The following DOCK4 variants were observed in gnomAD, a reference collection of about 807,000 sequenced individuals.
DOCK4 encodes dedicator of cytokinesis protein 4.
DOCK4 carries 97 observed loss-of-function variants against 268.1 expected under a neutral mutation model. That is an observed-to-expected ratio of 0.36 (90% confidence interval 0.31 to 0.43). The LOEUF (loss-of-function observed/expected upper bound fraction) is 0.43, where lower values mean the gene tolerates loss of function less well. Among genes scored for constraint, DOCK4 ranks in the 20% least tolerant of loss-of-function variants. DOCK4 has a pLI of 1.00. For missense variants in DOCK4, 2,145 were observed against 2,455.7 expected, an observed-to-expected ratio of 0.87 and a Z score of 2.67; for synonymous variants, 954 against 887.2, an observed-to-expected ratio of 1.08 and a Z score of -1.34.
intron 4 of DOCK4, among the ~76,000 whole-genome samples, chr7:111,994,730 C>T (rs2135254210): frequency 6.6e-6 from 1 of 152,272 alleles, no homozygotes; most frequent in African/African-American, 2.4e-5. Context: ...TAATTGAACA[C>T]TCTCTTGATC....
chr7:111,843,970 C>T (rs549382327), intron 25 of DOCK4, among the ~76,000 whole-genome samples: 27 of 152,216 alleles, frequency 1.8e-4, no homozygotes, highest in African/African-American at 6.3e-4. Context: ...AGCTTCAAAG[C>T]ACTTTAAAAT....
chr7:111,830,158 T>A (rs2134005835), intron 26 of DOCK4, among the ~76,000 whole-genome samples: 1 of 152,306 alleles, frequency 6.6e-6, no homozygotes, highest in Admixed American at 6.5e-5. Context: ...TATGAACTTT[T>A]AAAATGCAGA....
chr7:112,088,795 G>A (rs1809352678), intron 1 of DOCK4, among the ~76,000 whole-genome samples: 1 of 152,088 alleles, frequency 6.6e-6, no homozygotes, highest in African/African-American at 2.4e-5. Flanking sequence ...GTGCCCTTAG[G>A]AAGGTTCCTT....
intron 44 of DOCK4, among the ~76,000 whole-genome samples, chr7:111,745,007 A>C (rs1305866150): frequency 6.6e-6 from 1 of 152,180 alleles, no homozygotes; most frequent in East Asian, 1.9e-4. Flanking sequence ...TTCATCACAC[A>C]TATTCCACTT....
At chr7:111,800,306 T>C (rs148797044) in intron 30 of DOCK4, among the ~76,000 whole-genome samples, 1,970 of 151,892 alleles carry the variant, frequency 0.013, 34 homozygotes, top group African/African-American at 0.045. Context: ...AAGTATGTTG[T>C]AGTCTGTGGA....
intron 1 of DOCK4, among the ~76,000 whole-genome samples, chr7:112,014,939 A>G (rs1358532477): frequency 2.0e-5 from 3 of 152,078 alleles, no homozygotes; most frequent in Admixed American, 6.6e-5. Context: ...AAAAGAAAGG[A>G]AGAAAGAAGA....
chr7:112,010,989 A>T (rs950677549), intron 1 of DOCK4, among the ~76,000 whole-genome samples: 11 of 152,166 alleles, frequency 7.2e-5, no homozygotes, highest in Admixed American at 5.2e-4. Flanking sequence ...TTGGAAATCA[A>T]TGACTCTCCC....
At chr7:111,763,171 A>G (rs997052932) in intron 39 of DOCK4, among the ~76,000 whole-genome samples, 16 of 151,936 alleles carry the variant, frequency 1.1e-4, no homozygotes, top group African/African-American at 3.6e-4. Context: ...TCAAACAACA[A>G]AAGACTTCTG....
At chr7:111,861,055 G>A (rs1805467897) in intron 23 of DOCK4, among the ~76,000 whole-genome samples, 1 of 152,156 alleles carries the variant, frequency 6.6e-6, no homozygotes, top group Non-Finnish European at 1.5e-5. Flanking sequence ...TCTGAGACAG[G>A]AGTGAACTTT....
intron 24 of DOCK4, among the ~76,000 whole-genome samples, chr7:111,846,582 T>C (rs1392210994): frequency 6.7e-6 from 1 of 150,134 alleles, no homozygotes; most frequent in East Asian, 1.9e-4. Flanking sequence ...CTTCTGCAAT[T>C]TCCAGGGGAC....
Position 112,134,731 on chromosome 7 carries a change from G to C in DOCK4, c.37+71371C>G, listed in dbSNP as rs576584175. Among the ~76,000 whole-genome samples, 51 of 152,112 alleles carry C rather than the reference G, an allele frequency of 3.4e-4. No homozygotes were observed. The South Asian group carries it at 4.4e-3, about 13-fold the overall frequency. Reference sequence around the variant, plus strand: ...ACTCCATCTCAAATAAAGAAAGAAAGAAACAAACAAACTTAATAAAATATC... The same window carrying C: ...ACTCCATCTCAAATAAAGAAAGAAACAAACAAACAAACTTAATAAAATATC... On this transcript the variant is annotated intron_variant, in intron 1 of 52. Transcript: ENST00000428084.
In DOCK4 at chr7:112,150,021, C is replaced by T. The variant is rs186737217; in HGVS notation, c.37+56081G>A. On this transcript the variant is annotated intron_variant, in intron 1 of 52. Transcript: ENST00000428084. ...CTGTCTTATCGAATCCTTCCAAAAG[C>T]ACTTTGTGGAAAGTCTTATTATTGT... Among the ~76,000 whole-genome samples, 783 of 152,260 alleles carry T rather than the reference C, an allele frequency of 5.1e-3. 7 individuals carry two copies. The highest frequency in any genetic ancestry group is 0.018 in the African/African-American group (748 of 41,558).
chr7:111,765,316 CT>C (rs1464487244), intron 38 of DOCK4, 94 bp from the exon 39 acceptor site: 15 of 785,250 alleles, frequency 1.9e-5, no homozygotes, highest in Non-Finnish European at 2.6e-5. Context: ...TAAAGGAGAA[CT>C]TTATTTTAAT....
At chr7:111,828,574 T>C (rs1022573910) in intron 26 of DOCK4, among the ~76,000 whole-genome samples, 3 of 152,068 alleles carry the variant, frequency 2.0e-5, no homozygotes, top group Non-Finnish European at 4.4e-5. Context: ...CATTTGAAAA[T>C]CTCAATATAT....
intron 8 of DOCK4, among the ~76,000 whole-genome samples, chr7:111,950,745 G>A (rs1795991459): frequency 6.6e-6 from 1 of 152,136 alleles, no homozygotes; most frequent in Admixed American, 6.5e-5. Flanking sequence ...GACCTGACTC[G>A]AGATTCTCAT....
intron 1 of DOCK4, among the ~76,000 whole-genome samples, chr7:112,102,218 G>A (rs1239442906): frequency 6.6e-6 from 1 of 152,080 alleles, no homozygotes; most frequent in African/African-American, 2.4e-5. Flanking sequence ...ATGTTTCTGA[G>A]GACAGAAAAC....
At chr7:112,119,874 G>A (rs1812568354) in intron 1 of DOCK4, among the ~76,000 whole-genome samples, 1 of 150,108 alleles carries the variant, frequency 6.7e-6, no homozygotes, top group Admixed American at 6.6e-5. Context: ...CCGAGATGGA[G>A]TCTCACTCTG....
intron 1 of DOCK4, among the ~76,000 whole-genome samples, chr7:112,170,634 G>A (rs1253864301): frequency 6.6e-6 from 1 of 151,964 alleles, no homozygotes; most frequent in Non-Finnish European, 1.5e-5. Flanking sequence ...ACTCTAAGAA[G>A]GAAAGGATTA....
intron 23 of DOCK4, among the ~76,000 whole-genome samples, chr7:111,856,590 C>A (rs888621621): frequency 6.6e-6 from 1 of 152,130 alleles, no homozygotes; most frequent in African/African-American, 2.4e-5. Flanking sequence ...TTCATAAAAT[C>A]CAAGAAAAGA....
Sources: gnomAD v4.1 joint callset for allele counts (sites outside exome capture counted in the v4.1 genomes callset) on GRCh38, gnomAD v4.1.1 for gene constraint, MANE v1.5 for transcripts, NCBI Gene and HGNC (gene_info 2026-07-23, HGNC 2026-07-21) for gene names.